The following VAV3 variants were observed in gnomAD, a reference collection of about 807,000 sequenced individuals.
VAV3 encodes vav guanine nucleotide exchange factor 3.
In VAV3, 94 loss-of-function variants were observed where a neutral mutation model predicts 131.2. That is an observed-to-expected ratio of 0.72 (90% confidence interval 0.61 to 0.85). The LOEUF (loss-of-function observed/expected upper bound fraction) is 0.85. Among genes scored for constraint, VAV3 ranks in the 40% least tolerant of loss-of-function variants. The pLI is 0.00. For missense variants in VAV3, 939 were observed against 1,002.7 expected (o/e 0.94, Z 0.86); for synonymous variants, 349 against 342.0 (o/e 1.02, Z -0.22).
rs1293746042 is a variant in VAV3, at chr1:107,749,078, C to A, written c.1393-1G>T. ...GGATGAGGTAGAAGCCATAAGACCACTGTTAAAATTAATATTCCTTAGATT... is the reference window on the plus strand; with the variant it reads ...GGATGAGGTAGAAGCCATAAGACCAATGTTAAAATTAATATTCCTTAGATT... On this transcript the variant is annotated splice_acceptor_variant, in intron 14 of 26. Transcript: ENST00000370056. LOFTEE classifies it high-confidence loss of function. The A allele has an allele frequency of 6.4e-7, 1 of 1,573,328 alleles. No individual in the cohort carries two copies. The highest frequency in any genetic ancestry group is 8.7e-7 in the Non-Finnish European group (1 of 1,152,154).
chr1:107,637,836 C>T (rs1168337652), intron 20 of VAV3, among the ~76,000 whole-genome samples: 1 of 152,096 alleles, frequency 6.6e-6, no homozygotes, highest in Non-Finnish European at 1.5e-5. Context: ...AAAGGTATTA[C>T]ATGAAAATGA....
At chr1:107,748,873 G>T in intron 15 of VAV3, 95 bp downstream of exon 15, 1 of 941,222 alleles carries the variant, frequency 1.1e-6, no homozygotes. Flanking sequence ...CATTATACAT[G>T]CTACAAGCAT....
At chr1:107,962,297 A>G (rs747428733) in intron 1 of VAV3, among the ~76,000 whole-genome samples, 1 of 151,908 alleles carries the variant, frequency 6.6e-6, no homozygotes, top group South Asian at 2.1e-4. Flanking sequence ...CACTACAGCT[A>G]GAACCTTTCC....
intron 2 of VAV3, among the ~76,000 whole-genome samples, chr1:107,851,976 G>A (rs982835440): frequency 4.6e-5 from 7 of 152,016 alleles, no homozygotes; most frequent in Admixed American, 3.9e-4. Flanking sequence ...GTACAATACA[G>A]TGAGATTGCT....
chr1:107,751,187 G>A lies in VAV3; in HGVS notation c.1189C>T (p.Leu397Phe). 1 of 1,612,310 alleles carries A rather than the reference G, an allele frequency of 6.2e-7. No individual in the cohort carries two copies. The highest frequency in any genetic ancestry group is 8.5e-7 in the Non-Finnish European group (1 of 1,179,362). ...CCATCTCCCTGAGGTCGTCCAAAAAGCAAAACTGGTTGGTTCTAAAATATA... is the reference window on the plus strand; with the variant it reads ...CCATCTCCCTGAGGTCGTCCAAAAAACAAAACTGGTTGGTTCTAAAATATA... ...SIENLNQPVL[L>F]FGRPQGDGEI... is the part of the protein sequence containing the mutation. Residue 397 changes from leucine to phenylalanine, a missense_variant, in exon 13 of 27, where the codon CTT becomes TTT. Physicochemically the swap from Leu to Phe is conservative, Grantham distance 22. Coordinates refer to ENST00000370056, the MANE Select transcript of VAV3 (RefSeq NM_006113.5).
chr1:107,733,141 G>C (rs924049238), intron 15 of VAV3, among the ~76,000 whole-genome samples: 2 of 152,222 alleles, frequency 1.3e-5, no homozygotes, highest in African/African-American at 4.8e-5. Context: ...CTGCAACTGA[G>C]AGACCTGACT....
At chr1:107,674,930 A>G (rs1020731852) in intron 19 of VAV3, among the ~76,000 whole-genome samples, 1 of 152,330 alleles carries the variant, frequency 6.6e-6, no homozygotes, top group African/African-American at 2.4e-5. Context: ...AACTGAAGAC[A>G]GCTTCTGGCC....
intron 5 of VAV3, among the ~76,000 whole-genome samples, chr1:107,771,832 A>G (rs1003022547): frequency 1.3e-5 from 2 of 152,216 alleles, no homozygotes; most frequent in African/African-American, 4.8e-5. Context: ...GGCACAGATG[A>G]TATTCGGTCA....
chr1:107,622,550 A>C (rs990690443), intron 20 of VAV3, among the ~76,000 whole-genome samples: 4 of 152,170 alleles, frequency 2.6e-5, no homozygotes, highest in African/African-American at 7.2e-5. Flanking sequence ...CCTGGATTGG[A>C]GCCTTAATGC....
chr1:107,755,390 G>C (rs1400196566), intron 12 of VAV3, 37 bp downstream of exon 12: 1 of 1,418,906 alleles, frequency 7.0e-7, no homozygotes, highest in Non-Finnish European at 1.0e-6. Flanking sequence ...GTTGATGTGG[G>C]GGTGAGGGGA....
chr1:107,828,244 A>G (rs1397019654), intron 2 of VAV3, among the ~76,000 whole-genome samples: 2 of 152,134 alleles, frequency 1.3e-5, no homozygotes, highest in Non-Finnish European at 2.9e-5. Flanking sequence ...AGAAGAGTCA[A>G]GTTGTTTCTG....
At chr1:107,583,284 A>C (rs531618656) in intron 25 of VAV3, among the ~76,000 whole-genome samples, 59 of 152,310 alleles carry the variant, frequency 3.9e-4, no homozygotes, top group Non-Finnish European at 7.2e-4. Context: ...TATCTGTGAC[A>C]AACCCACAGC....
At chr1:107,576,553 AC>A in intron 25 of VAV3, 1 of 1,168,424 alleles carries the variant, frequency 8.6e-7, no homozygotes, top group Non-Finnish European at 1.2e-6. Context: ...AACCATTTTC[AC>A]CCACTTCTTT....
chr1:107,723,724 C>T (rs183104493), intron 15 of VAV3, among the ~76,000 whole-genome samples: 172 of 152,156 alleles, frequency 1.1e-3, no homozygotes, highest in African/African-American at 4.0e-3. Flanking sequence ...CTGTTCCTTC[C>T]AACCTCCAAA....
intron 2 of VAV3, among the ~76,000 whole-genome samples, chr1:107,810,197 T>C (rs996201410): frequency 1.3e-5 from 2 of 152,128 alleles, no homozygotes; most frequent in Non-Finnish European, 2.9e-5. Flanking sequence ...ACCTTGCCTT[T>C]GGGGGCTGGG....
intron 2 of VAV3, among the ~76,000 whole-genome samples, chr1:107,870,709 A>ACC (rs1208461054): frequency 6.6e-6 from 1 of 151,844 alleles, no homozygotes; most frequent in Non-Finnish European, 1.5e-5. Flanking sequence ...TCCCTGACTC[A>ACC]CCCCTAAGCT....
At chr1:107,595,561 T>C (rs1371910560) in intron 25 of VAV3, among the ~76,000 whole-genome samples, 2 of 152,192 alleles carry the variant, frequency 1.3e-5, no homozygotes, top group African/African-American at 4.8e-5. Context: ...TTCAATTTTT[T>C]TGTTACATGC....
At chr1:107,929,903 G>C (rs1673341549) in intron 1 of VAV3, among the ~76,000 whole-genome samples, 1 of 152,130 alleles carries the variant, frequency 6.6e-6, no homozygotes, top group Admixed American at 6.5e-5. Context: ...GACAGAACTG[G>C]AGGTCATTAT....
chr1:107,582,804 G>A (rs1650168302), intron 25 of VAV3, among the ~76,000 whole-genome samples: 1 of 151,946 alleles, frequency 6.6e-6, no homozygotes, highest in African/African-American at 2.4e-5. Context: ...TCTTAATCCA[G>A]TCTATCATTG....
Sources: allele counts gnomAD v4.1 joint callset (sites outside exome capture counted in the v4.1 genomes callset), GRCh38; gene constraint gnomAD v4.1.1; transcripts MANE v1.5; gene names NCBI Gene and HGNC (gene_info 2026-07-23, HGNC 2026-07-21).